SOHLH1: variants seen among roughly 807,000 people sequenced by gnomAD.
SOHLH1 encodes the protein spermatogenesis and oogenesis specific basic helix-loop-helix 1, also known as spermatogenesis- and oogenesis-specific basic helix-loop-helix-containing protein 1.
SOHLH1 carries 23 observed loss-of-function variants against 36.2 expected under a neutral mutation model. The observed-to-expected ratio is 0.64, with a 90% CI of 0.46 to 0.90. The LOEUF is 0.90. Among genes scored for constraint, SOHLH1 ranks in the 40% least tolerant of loss-of-function variants. The probability of loss-of-function intolerance (pLI) is 0.00; values close to 1 mark genes in which losing one functional copy is unlikely to be tolerated. For missense variants in SOHLH1, 608 were observed against 517.0 expected (o/e 1.18, Z -1.71); for synonymous variants, 289 against 228.3 (o/e 1.27, Z -2.40).
upstream of SOHLH1, chr9:135,702,078 G>C (rs1835051988): frequency 1.8e-6 from 1 of 552,708 alleles, no homozygotes; most frequent in Non-Finnish European, 3.1e-6. Context: ...AGCCGCCGCG[G>C]GTCCCGGCGC....
Position 135,696,743 on chromosome 9 carries a change from G to T in SOHLH1, c.530C>A (p.Pro177Gln), listed in dbSNP as rs567698678. The change falls in exon 5 of 8, where the codon CCA becomes CAA. Residue 177 changes from proline (P) to glutamine (Q), a missense_variant. Pro to Gln is a moderately conservative substitution (Grantham distance 76). Coordinates refer to ENST00000425225, the MANE Select transcript of SOHLH1 (RefSeq NM_001101677.2). The stretch of plus-strand genomic sequence containing the variant: ...CGCAAGGATGTGCGGCACGGGCTCT[G>T]GGCTGGCCGACGCTGGATCCAGGGA... ...PWSLDPASAS[P>Q]EPVPHILASS... The T allele has an allele frequency of 9.3e-6, 15 of 1,613,096 alleles. No individual in the cohort carries two copies. In the African/African-American group the frequency reaches 1.7e-4, roughly 19 times the overall value.
In SOHLH1 at chr9:135,693,870, C is replaced by T. The variant is rs1011087537; in HGVS notation, c.947-56G>A. ...AGGCAGGTGCTCTGGGAGCTTGAGG[C>T]AGACAGGTGGGGTCGGAGGAACAGA... On this transcript the variant is annotated intron_variant, in intron 7 of 7. Coordinates refer to ENST00000425225, the MANE Select transcript of SOHLH1 (RefSeq NM_001101677.2). The T allele has an allele frequency of 2.6e-6, 4 of 1,517,172 alleles. No homozygotes were observed. In the African/African-American group the frequency reaches 4.1e-5, roughly 16 times the overall value. The allele number at this position is 1,517,172 out of a possible 1,614,324, so 94.0% of individuals were successfully genotyped here.
intron 7 of SOHLH1, 88 bp from the exon 8 acceptor site, chr9:135,693,902 A>C (rs1588228508): frequency 6.7e-7 from 1 of 1,481,928 alleles, no homozygotes; most frequent in Non-Finnish European, 9.0e-7. Flanking sequence ...CAGAGCTCCC[A>C]CCTCAGTCCG....
rs779714365 is a variant in SOHLH1 at position 135,694,424 on chromosome 9, C to T, written c.909G>A (p.Thr303=). The T allele has an allele frequency of 1.4e-5, 23 of 1,613,164 alleles. No homozygotes were observed. Among genetic ancestry groups the T allele is most frequent in the Non-Finnish European group, 1.7e-5 (20 of 1,180,002 alleles). The change falls in exon 7 of 8, where the codon ACG becomes ACA. Residue 303 remains threonine, a synonymous_variant. Coordinates refer to ENST00000425225, the MANE Select transcript of SOHLH1 (RefSeq NM_001101677.2). The part of the protein sequence containing the change: ...SALGSDVDDG[T]SFLLTAGPSS... The stretch of plus-strand genomic sequence containing the variant: ...TGGGACCAGCAGTCAGCAGGAAGGA[C>T]GTCCCATCGTCCACATCAGACCCCA...
upstream of SOHLH1, among the ~76,000 whole-genome samples, chr9:135,700,411 C>CG (rs145641800): frequency 6.6e-6 from 1 of 150,532 alleles, no homozygotes. Context: ...ACGGAGGTTG[C>CG]GGGGGGCCCT....
Position 135,693,503 on chromosome 9 carries a change from C to G in SOHLH1, c.*94G>C. 6.8e-7 allele frequency: 1 copy of G among 1,465,256 alleles called. No individual in the cohort carries two copies. The highest frequency in any genetic ancestry group is 9.1e-7 in the Non-Finnish European group (1 of 1,099,196). 90.8% of individuals were successfully genotyped at this position (1,465,256 alleles called of 1,614,324 possible). ...CGCTCAAATTAGGGTGCAGCTGCAA[C>G]CCAAACCCAAAATAAAATGCCCAAG... On this transcript the variant is annotated 3_prime_UTR_variant, in exon 8 of 8. Coordinates refer to ENST00000425225, the MANE Select transcript of SOHLH1 (RefSeq NM_001101677.2).
intron 6 of SOHLH1, 106 bp from the exon 7 acceptor site, chr9:135,694,563 A>T: frequency 2.7e-6 from 4 of 1,468,484 alleles, no homozygotes; most frequent in Non-Finnish European, 3.7e-6. Flanking sequence ...GAATGCAAAG[A>T]TCTAGGCACC....
chr9:135,694,322 A>C (rs534254053), intron 7 of SOHLH1, 65 bp downstream of exon 7: 3 of 1,610,420 alleles, frequency 1.9e-6, no homozygotes, highest in East Asian at 2.2e-5. Context: ...CCTGAGTCCC[A>C]ATTCCCCAGC....
chr9:135,700,009 G>A (rs73667685), upstream of SOHLH1, among the ~76,000 whole-genome samples: 1,577 of 152,202 alleles, frequency 0.01, 41 homozygotes, highest in African/African-American at 0.036. Context: ...CAGACGCTGC[G>A]CCTCAGGGTA....
chr9:135,694,949 C>T (rs1477157219), intron 6 of SOHLH1, 101 bp downstream of exon 6: 19 of 1,312,904 alleles, frequency 1.4e-5, no homozygotes, highest in African/African-American at 2.9e-5. Context: ...TTCCAGATGC[C>T]GAGAAAGTGG....
chr9:135,700,277 G>T (rs1224853961), upstream of SOHLH1, among the ~76,000 whole-genome samples: 4 of 152,172 alleles, frequency 2.6e-5, no homozygotes, highest in African/African-American at 9.6e-5. Flanking sequence ...AAGCTCCGGC[G>T]CCAGGTGTTT....
At chr9:135,696,477 G>T (rs1256975857) in intron 5 of SOHLH1, 135 bp downstream of exon 5, 2 of 1,038,046 alleles carry the variant, frequency 1.9e-6, no homozygotes, top group East Asian at 5.3e-5. Flanking sequence ...CAACACGTGG[G>T]TTTCTCACCA....
chr9:135,700,606 C>T (rs549420700), upstream of SOHLH1, among the ~76,000 whole-genome samples: 317 of 152,282 alleles, frequency 2.1e-3, 2 homozygotes, highest in African/African-American at 7.4e-3. Context: ...GTCCGGGGTG[C>T]CCCAGTCTCC....
In SOHLH1 at chr9:135,696,735, C is replaced by G. The variant is rs138843804; in HGVS notation, c.538G>C (p.Val180Leu). The G allele has an allele frequency of 6.2e-7, 1 of 1,613,052 alleles. No individual in the cohort carries two copies. Among genetic ancestry groups the G allele is most frequent in the South Asian group, 1.1e-5 (1 of 91,088 alleles). ...LDPASASPEPVPHILASSRQW... is the reference protein window; with the variant it reads ...LDPASASPEPLPHILASSRQW... ...CTGGAGGACGCAAGGATGTGCGGCACGGGCTCTGGGCTGGCCGACGCTGGA... is the reference window on the plus strand; with the variant it reads ...CTGGAGGACGCAAGGATGTGCGGCAGGGGCTCTGGGCTGGCCGACGCTGGA... The change falls in exon 5 of 8, where the codon GTG (valine) becomes CTG (leucine). Residue 180 changes from valine (V) to leucine (L), a missense_variant. Coordinates refer to ENST00000425225, the MANE Select transcript of SOHLH1 (RefSeq NM_001101677.2).
At chr9:135,698,859 G>A in intron 2 of SOHLH1, 136 bp downstream of exon 2, 6 of 1,247,992 alleles carry the variant, frequency 4.8e-6, no homozygotes, top group South Asian at 3.7e-5. Context: ...ACTTGGAGAT[G>A]TGCAGTCTGT....
chr9:135,697,888 A>G (rs1187106917), intron 3 of SOHLH1, among the ~76,000 whole-genome samples: 2 of 152,074 alleles, frequency 1.3e-5, no homozygotes, highest in Non-Finnish European at 2.9e-5. Flanking sequence ...ATGACAACAC[A>G]GTTTCATTCC....
chr9:135,697,402 C>A, intron 4 of SOHLH1, 104 bp downstream of exon 4: 1 of 1,525,860 alleles, frequency 6.6e-7, no homozygotes. Flanking sequence ...GGAGGCCAAG[C>A]CGGGCCTCCA....
intron 6 of SOHLH1, 107 bp from the exon 7 acceptor site, chr9:135,694,564 T>A: frequency 6.9e-7 from 1 of 1,459,252 alleles, no homozygotes; most frequent in Non-Finnish European, 9.3e-7. Flanking sequence ...AATGCAAAGA[T>A]CTAGGCACCA....
At position 135,695,269 on chromosome 9, in the gene SOHLH1, A is replaced by G; in HGVS notation, c.662-6T>C. The G allele has an allele frequency of 6.3e-7, 1 of 1,586,672 alleles. No individual in the cohort carries two copies. The highest frequency in any genetic ancestry group is 8.6e-7 in the Non-Finnish European group (1 of 1,168,392). On this transcript the variant is annotated splice_polypyrimidine_tract_variant and splice_region_variant and intron_variant, in intron 5 of 7. Transcript: ENST00000425225. ...CGGCACCAGGCTGGAAGGTTCTGGG[A>G]GAGAAGTCAGATGCGGGTCAGCCTT...
Sources: allele counts gnomAD v4.1 joint callset (sites outside exome capture counted in the v4.1 genomes callset), GRCh38; gene constraint gnomAD v4.1.1; transcripts MANE v1.5; gene names NCBI Gene and HGNC (gene_info 2026-07-23, HGNC 2026-07-21).